Variants in PPP1R12B observed in about 807,000 individuals in gnomAD.
PPP1R12B encodes the protein protein phosphatase 1 regulatory subunit 12B, also known as myosin phosphatase target subunit 2.
Under a neutral mutation model 126.1 loss-of-function variants are expected in PPP1R12B, and 76 were observed. The ratio of observed to expected loss-of-function variants is 0.60; its 90% CI spans 0.50 to 0.73. The LOEUF (loss-of-function observed/expected upper bound fraction) is 0.73, where lower values mean the gene tolerates loss of function less well. Among genes scored for constraint, PPP1R12B ranks in the 30% least tolerant of loss-of-function variants. The pLI is 0.00. For synonymous variants in PPP1R12B, 356 were observed against 434.7 expected, an observed-to-expected ratio of 0.82 and a Z score of 2.25; for missense variants, 1,052 against 1,205.1, an observed-to-expected ratio of 0.87 and a Z score of 1.88.
At position 202,564,542 on chromosome 1, in the gene PPP1R12B, G is replaced by A. The variant is rs748080402; in HGVS notation, c.2752G>A (p.Ala918Thr). The A allele has an allele frequency of 1.2e-6, 2 of 1,606,834 alleles. No individual in the cohort carries two copies. The highest frequency in any genetic ancestry group is 1.7e-5 in the Admixed American group (1 of 59,960). The change falls in exon 21 of 24, where the codon GCC (alanine) becomes ACC (threonine). Residue 918 changes from alanine to threonine, a missense_variant. By Grantham distance (58) the Ala-to-Thr change is moderately conservative. Coordinates refer to ENST00000608999, the MANE Select transcript of PPP1R12B (RefSeq NM_002481.4). ...TATAAAGTCCAAGCTTGAGAAGGTG[G>A]CCCAGGTAAGACGGAAGAAGAAGAA... ...ADIKSKLEKV[A>T]QQKQEKTSDR... is the part of the protein sequence containing the mutation.
intron 1 of PPP1R12B, among the ~76,000 whole-genome samples, chr1:202,412,115 CTTG>C (rs1324444572): frequency 6.6e-6 from 1 of 152,056 alleles, no homozygotes; most frequent in African/African-American, 2.4e-5. Flanking sequence ...TTTTGTTGTT[CTTG>C]TTGTTCTGTC....
At chr1:202,428,176 A>G (rs1669793530) in intron 5 of PPP1R12B, among the ~76,000 whole-genome samples, 2 of 152,224 alleles carry the variant, frequency 1.3e-5, no homozygotes, top group African/African-American at 2.4e-5. Flanking sequence ...GGAAGCAGTT[A>G]TTATTGGAAT....
At chr1:202,365,599 AG>A (rs369517112) in intron 1 of PPP1R12B, among the ~76,000 whole-genome samples, 63 of 152,322 alleles carry the variant, frequency 4.1e-4, no homozygotes, top group African/African-American at 1.5e-3. Context: ...GTCCTAACCT[AG>A]GGATCACACG....
chr1:202,557,128 C>T (rs980281400), intron 18 of PPP1R12B, among the ~76,000 whole-genome samples: 5 of 152,120 alleles, frequency 3.3e-5, no homozygotes, highest in African/African-American at 1.2e-4. Flanking sequence ...GCATGGATCA[C>T]AGGTGCCCAC....
intron 13 of PPP1R12B, among the ~76,000 whole-genome samples, chr1:202,454,229 T>C (rs1287651326): frequency 2.0e-5 from 3 of 152,210 alleles, no homozygotes; most frequent in African/African-American, 7.2e-5. Flanking sequence ...ATCAATAAGA[T>C]AGTACCTGTA....
rs1191448565 is a variant in PPP1R12B, at chr1:202,434,657, T to C, written c.1143T>C (p.Asp381=). 2 of 1,609,370 alleles carry C rather than the reference T, an allele frequency of 1.2e-6. No homozygotes were observed. Among genetic ancestry groups the C allele is most frequent in the Admixed American group, 3.4e-5 (2 of 58,676 alleles). ...TAATTCTCTTGTCTTAAATAACAGATAAAAAGCCAGAAGCCTTTGTCAATC... is the reference window on the plus strand; with the variant it reads ...TAATTCTCTTGTCTTAAATAACAGACAAAAAGCCAGAAGCCTTTGTCAATC... ...ASESETEKEA[D]KKPEAFVNHS... Residue 381 remains aspartate (D), a splice_region_variant and synonymous_variant, in exon 9 of 24, where the codon GAT becomes GAC. Coordinates refer to ENST00000608999, the MANE Select transcript of PPP1R12B (RefSeq NM_002481.4).
chr1:202,434,601 A>G, intron 8 of PPP1R12B, 55 bp from the exon 9 acceptor site: 1 of 1,573,178 alleles, frequency 6.4e-7, no homozygotes, highest in Non-Finnish European at 8.6e-7. Context: ...GGACATAGAC[A>G]CAAAGATAAG....
chr1:202,446,835 G>C (rs1672361489), intron 12 of PPP1R12B, among the ~76,000 whole-genome samples: 1 of 151,488 alleles, frequency 6.6e-6, no homozygotes, highest in Non-Finnish European at 1.5e-5. Context: ...TGGCTTAGTA[G>C]CTCCACAGTC....
In PPP1R12B at chr1:202,584,039, A is replaced by T. The variant is rs553163181; in HGVS notation, c.*3479A>T. ...CTTTTCCAGATAGCTCCAGAGTATGATGACCCCAGCCCCATCCCAATCTCT... is the reference window on the plus strand; with the variant it reads ...CTTTTCCAGATAGCTCCAGAGTATGTTGACCCCAGCCCCATCCCAATCTCT... On this transcript the variant is annotated 3_prime_UTR_variant, in exon 24 of 24. Coordinates refer to ENST00000608999, the MANE Select transcript of PPP1R12B (RefSeq NM_002481.4). 1.3e-5 allele frequency: 2 copies of T among 152,324 alleles called. No homozygotes were observed. The highest frequency in any genetic ancestry group is 4.8e-5 in the African/African-American group (2 of 41,566). 9.4% of individuals were successfully genotyped at this position (152,324 alleles called of 1,614,324 possible).
intron 13 of PPP1R12B, among the ~76,000 whole-genome samples, chr1:202,465,575 A>G (rs1674872246): frequency 6.6e-6 from 1 of 152,164 alleles, no homozygotes; most frequent in South Asian, 2.1e-4. Flanking sequence ...GCTGAATATA[A>G]GAAGCTTATC....
intron 13 of PPP1R12B, among the ~76,000 whole-genome samples, chr1:202,478,369 G>A (rs570778776): frequency 1.2e-3 from 181 of 152,300 alleles, no homozygotes; most frequent in African/African-American, 4.1e-3. Flanking sequence ...TACTGAAAAC[G>A]TAGTATGTTC....
intron 18 of PPP1R12B, among the ~76,000 whole-genome samples, chr1:202,518,191 A>G (rs1682370918): frequency 6.6e-6 from 1 of 152,244 alleles, no homozygotes; most frequent in African/African-American, 2.4e-5. Context: ...ATCACAAGGT[A>G]TGTTATATAT....
chr1:202,459,948 C>A (rs1196649130), intron 13 of PPP1R12B, among the ~76,000 whole-genome samples: 1 of 152,168 alleles, frequency 6.6e-6, no homozygotes, highest in Non-Finnish European at 1.5e-5. Flanking sequence ...TGGCAAGTGG[C>A]AAGCTGTTGG....
intron 13 of PPP1R12B, among the ~76,000 whole-genome samples, chr1:202,477,624 C>T (rs1434109497): frequency 6.6e-6 from 1 of 152,072 alleles, no homozygotes; most frequent in Non-Finnish European, 1.5e-5. Context: ...GGCTAGAGTG[C>T]AGTGGTGCAA....
chr1:202,386,467 G>C (rs1190631308), intron 1 of PPP1R12B, among the ~76,000 whole-genome samples: 1 of 152,014 alleles, frequency 6.6e-6, no homozygotes, highest in Non-Finnish European at 1.5e-5. Flanking sequence ...AAGTAGCTGG[G>C]ACTACAGGTG....
intron 1 of PPP1R12B, among the ~76,000 whole-genome samples, chr1:202,368,154 A>T (rs1426993686): frequency 6.6e-6 from 1 of 152,056 alleles, no homozygotes; most frequent in Non-Finnish European, 1.5e-5. Context: ...TATTTTTAGT[A>T]GAAACAGGGT....
intron 1 of PPP1R12B, among the ~76,000 whole-genome samples, chr1:202,380,310 C>T (rs1360807406): frequency 1.3e-5 from 2 of 152,068 alleles, no homozygotes; most frequent in Non-Finnish European, 2.9e-5. Context: ...TTATCTTACA[C>T]AAACAACAAG....
rs1436408742 is a variant in PPP1R12B at position 202,587,489 on chromosome 1, C to G, written c.*6929C>G. On this transcript the variant is annotated 3_prime_UTR_variant, in exon 24 of 24. Transcript: ENST00000608999. The stretch of plus-strand genomic sequence containing the variant: ...ACCATGAGTAGCCATGTCTGGTTTA[C>G]TCTTTATCCTGAGACTGTTTATAGC... The G allele has an allele frequency of 7.6e-6, 1 of 131,646 alleles. No homozygotes were observed. The highest frequency in any genetic ancestry group is 2.5e-5 in the African/African-American group (1 of 40,442). The allele number at this position is 131,646 out of a possible 1,614,324, so 8.2% of individuals were successfully genotyped here.
rs568384244 is a variant in PPP1R12B, at chr1:202,566,131, C to T, written c.2757+1584C>T. ...TCTTCTCAGCGGAAGCTTCTGACAG[C>T]ATATGTCTTGACCTTTAGGGGTTCT... On this transcript the variant is annotated intron_variant, in intron 21 of 23. Transcript: ENST00000608999. Among the ~76,000 whole-genome samples the T allele has an allele frequency of 9.8e-5, 15 of 152,314 alleles. No individual in the cohort carries two copies. In the East Asian group the frequency reaches 2.1e-3, roughly 22 times the overall value.
Sources: gnomAD v4.1 joint callset for allele counts (sites outside exome capture counted in the v4.1 genomes callset) on GRCh38, gnomAD v4.1.1 for gene constraint, MANE v1.5 for transcripts, NCBI Gene and HGNC (gene_info 2026-07-23, HGNC 2026-07-21) for gene names.